The following AGBL1 variants were observed in gnomAD, a reference collection of about 807,000 sequenced individuals.
The protein encoded by AGBL1 is AGBL carboxypeptidase 1.
AGBL1 carries 130 observed loss-of-function variants against 118.9 expected under a neutral mutation model. The ratio of observed to expected loss-of-function variants is 1.09; its 90% CI spans 0.95 to 1.26. AGBL1 has a LOEUF of 1.26. AGBL1 is among the 50% of genes most tolerant of loss of function. The pLI, the probability that AGBL1 is intolerant of heterozygous loss-of-function variation, is 0.00. For missense variants in AGBL1, 1,584 were observed against 1,298.1 expected, an observed-to-expected ratio of 1.22 and a Z score of -3.38; for synonymous variants, 555 against 478.9, an observed-to-expected ratio of 1.16 and a Z score of -2.08.
intron 7 of AGBL1, among the ~76,000 whole-genome samples, chr15:86,250,729 AC>A (rs1395187761): frequency 1.3e-5 from 2 of 152,086 alleles, no homozygotes; most frequent in East Asian, 3.9e-4. Context: ...GGCAGTCATA[AC>A]CAGTGTTGAG....
chr15:86,786,283 AGT>A (rs922679656), intron 22 of AGBL1, among the ~76,000 whole-genome samples: 1 of 151,800 alleles, frequency 6.6e-6, no homozygotes, highest in African/African-American at 2.4e-5. Context: ...CAGTCCCTAG[AGT>A]GTGATGTTCC....
At chr15:86,663,693 A>C (rs950366732) in intron 21 of AGBL1, among the ~76,000 whole-genome samples, 3 of 152,126 alleles carry the variant, frequency 2.0e-5, no homozygotes, top group African/African-American at 7.2e-5. Flanking sequence ...ATTTATAAGA[A>C]AGACTGACCT....
At chr15:86,570,956 G>C (rs778618614) in intron 21 of AGBL1, among the ~76,000 whole-genome samples, 4 of 152,138 alleles carry the variant, frequency 2.6e-5, no homozygotes, top group Admixed American at 2.0e-4. Context: ...AGCAGCATGC[G>C]GGCTGGCCTG....
intron 1 of AGBL1, among the ~76,000 whole-genome samples, chr15:86,112,757 A>T (rs994679823): frequency 6.6e-6 from 1 of 152,188 alleles, no homozygotes; most frequent in African/African-American, 2.4e-5. Context: ...CCAGGGCTGG[A>T]TTTTTATCAG....
chr15:86,997,767 TAA>T (rs2081393253), intron 24 of AGBL1, among the ~76,000 whole-genome samples: 1 of 151,990 alleles, frequency 6.6e-6, no homozygotes, highest in South Asian at 2.1e-4. Context: ...TCCTTTTTTT[TAA>T]AAGAGACTTA....
At chr15:86,267,097 TGG>T in intron 13 of AGBL1, 21 bp downstream of exon 13, 1 of 1,535,400 alleles carries the variant, frequency 6.5e-7, no homozygotes, top group Non-Finnish European at 8.8e-7. Context: ...AAAACCACAG[TGG>T]GTGTCTCCTG....
chr15:86,786,931 A>T (rs2078420623), intron 22 of AGBL1, among the ~76,000 whole-genome samples: 1 of 152,128 alleles, frequency 6.6e-6, no homozygotes, highest in African/African-American at 2.4e-5. Flanking sequence ...CATCTTCTGG[A>T]TGTTGCCAAA....
chr15:86,171,668 T>C (rs886223618), intron 5 of AGBL1, among the ~76,000 whole-genome samples: 3 of 152,132 alleles, frequency 2.0e-5, no homozygotes, highest in African/African-American at 7.2e-5. Flanking sequence ...TCCTCTCCAC[T>C]CAGATGTCAA....
rs1366616555 is a variant in AGBL1 at position 86,477,459 on chromosome 15, C to T, written c.2556-45351C>T. ...TCAGAGAATACTATAAACACCTCTA[C>T]GCAAATAAAGTAGAAAATCTAGAAG... is the stretch of plus-strand genomic sequence containing the variant. On this transcript the variant is annotated intron_variant, in intron 18 of 22. Transcript: ENST00000614907. Among the ~76,000 whole-genome samples, 118 of 152,232 alleles carry T rather than the reference C, an allele frequency of 7.8e-4. 1 individual carries two copies. In the South Asian group the frequency reaches 9.5e-3, roughly 12 times the overall value.
At chr15:86,919,456 A>G (rs566653860), downstream of AGBL1, among the ~76,000 whole-genome samples, 4 of 152,176 alleles carry the variant, frequency 2.6e-5, no homozygotes, top group African/African-American at 9.6e-5. Context: ...AAAGACCAGA[A>G]ACACATGACA....
At chr15:86,621,552 T>C (rs1285056034) in intron 21 of AGBL1, among the ~76,000 whole-genome samples, 1 of 152,160 alleles carries the variant, frequency 6.6e-6, no homozygotes, top group Non-Finnish European at 1.5e-5. Context: ...TCTCTGTGTC[T>C]CTCCTCTTCT....
At chr15:86,981,937 A>G (rs1468120923) in intron 23 of AGBL1, among the ~76,000 whole-genome samples, 1 of 152,148 alleles carries the variant, frequency 6.6e-6, no homozygotes, top group Non-Finnish European at 1.5e-5. Context: ...CTCATTCTTA[A>G]TTTTCTTTAT....
chr15:86,333,909 C>T (rs1479520113), intron 17 of AGBL1, among the ~76,000 whole-genome samples: 1 of 152,050 alleles, frequency 6.6e-6, no homozygotes, highest in South Asian at 2.1e-4. Flanking sequence ...TGATTCACTG[C>T]ATAAAAATTT....
chr15:86,427,813 A>T (rs2081885534), intron 18 of AGBL1, among the ~76,000 whole-genome samples: 1 of 152,186 alleles, frequency 6.6e-6, no homozygotes, highest in Admixed American at 6.5e-5. Flanking sequence ...TATTCTTCCC[A>T]GCTGTGTCTT....
chr15:86,524,166 A>T (rs2083229040), intron 19 of AGBL1, among the ~76,000 whole-genome samples: 2 of 152,202 alleles, frequency 1.3e-5, no homozygotes, highest in African/African-American at 4.8e-5. Context: ...CAATGAGATC[A>T]CCCAGAGGTG....
At chr15:86,994,009 G>A (rs1168203660) in intron 24 of AGBL1, among the ~76,000 whole-genome samples, 1 of 151,986 alleles carries the variant, frequency 6.6e-6, no homozygotes, top group Non-Finnish European at 1.5e-5. Context: ...TTCATTCGAC[G>A]TCACAACGCT....
intron 17 of AGBL1, among the ~76,000 whole-genome samples, chr15:86,332,723 T>C (rs111430697): frequency 0.18 from 27,130 of 150,264 alleles, 2,629 homozygotes; most frequent in South Asian, 0.21. Context: ...GTCTACAGAA[T>C]ACTCCACCCA....
intron 22 of AGBL1, among the ~76,000 whole-genome samples, chr15:86,816,710 G>C (rs1396008473): frequency 2.0e-5 from 3 of 152,160 alleles, no homozygotes; most frequent in African/African-American, 7.2e-5. Flanking sequence ...GAGGCAGAGA[G>C]AAGACTTGGC....
intron 5 of AGBL1, among the ~76,000 whole-genome samples, chr15:86,223,083 C>A (rs1402755899): frequency 2.0e-5 from 3 of 152,102 alleles, no homozygotes; most frequent in African/African-American, 7.2e-5. Flanking sequence ...TTAACCCATC[C>A]CTTCTTCCTC....
Sources: allele counts gnomAD v4.1 joint callset (sites outside exome capture counted in the v4.1 genomes callset), GRCh38; gene constraint gnomAD v4.1.1; transcripts MANE v1.5; gene names NCBI Gene and HGNC (gene_info 2026-07-23, HGNC 2026-07-21).